Variants in LBX2 observed in about 807,000 individuals in gnomAD.
LBX2 encodes transcription factor LBX2.
Under a neutral mutation model 7.5 loss-of-function variants are expected in LBX2, and 6 were observed. That is an observed-to-expected ratio of 0.80 (90% CI 0.44 to 1.59). LBX2 has a LOEUF of 1.59. LBX2 is among the 40% of genes most tolerant of loss of function. The probability of loss-of-function intolerance (pLI) is 0.01; values close to 1 mark genes in which losing one functional copy is unlikely to be tolerated. For synonymous variants in LBX2, 143 were observed against 133.2 expected, an observed-to-expected ratio of 1.07 and a Z score of -0.51; for missense variants, 281 against 282.0, an observed-to-expected ratio of 1.00 and a Z score of 0.03.
At chr2:74,502,730 G>A, upstream of LBX2, 1 of 1,614,092 alleles carries the variant, frequency 6.2e-7, no homozygotes, top group Non-Finnish European at 8.5e-7. The surrounding 1 kb of genome is among the most constrained non-coding windows in gnomAD (Gnocchi z 5.4). Context: ...AGATCTCTGC[G>A]CGCCCACCGC....
chr2:74,498,378 G>A lies in LBX2; in HGVS notation c.206-60C>T, dbSNP rs375253424. 5.3e-5 allele frequency: 75 copies of A among 1,414,228 alleles called. No homozygotes were observed. The East Asian group carries it at 1.6e-3, about 30-fold the overall frequency. The allele number at this position is 1,414,228 out of a possible 1,614,324, so 87.6% of individuals were successfully genotyped here. On this transcript the variant is annotated intron_variant, in intron 1 of 1. Transcript: ENST00000377566. Reference sequence around the variant, plus strand: ...CCGGGAATCAGGCTGGGCCTGGAAAGAAAAGTTGGGGGTGGGGTCGGGCCG... The same window carrying A: ...CCGGGAATCAGGCTGGGCCTGGAAAAAAAAGTTGGGGGTGGGGTCGGGCCG...
chr2:74,499,759 G>C (rs1361028461), upstream of LBX2: 1 of 597,690 alleles, frequency 1.7e-6, no homozygotes, highest in African/African-American at 1.9e-5. The surrounding 1 kb of genome is among the most constrained non-coding windows in gnomAD (Gnocchi z 4.6). Flanking sequence ...TACAGGCTGG[G>C]GCAGGCGCGG....
Position 74,499,426 on chromosome 2 carries a change from C to A in LBX2, c.112G>T (p.Gly38Cys), listed in dbSNP as rs951285673. 6.4e-7 allele frequency: 1 copy of A among 1,550,520 alleles called. No homozygotes were observed. Among genetic ancestry groups the A allele is most frequent in the African/African-American group, 1.4e-5 (1 of 73,068 alleles). Residue 38 changes from glycine to cysteine, a missense_variant, in exon 1 of 2, where the codon GGT becomes TGT. This residue lies in a region of LBX2 where 216 missense variants were observed against 208.7 expected (regional missense o/e 1.03). Coordinates refer to ENST00000377566, the MANE Select transcript of LBX2 (RefSeq NM_001282430.2). This position sits in a 1 kb window ranked among gnomAD's most constrained non-coding sequence, Gnocchi z 4.6. ...APSAPQLPESGPGPTSPLCAL... is the reference protein window; with the variant it reads ...APSAPQLPESCPGPTSPLCAL... The stretch of plus-strand genomic sequence containing the variant: ...CACAGCGGCGACGTTGGACCCGGAC[C>A]CGACTCTGGAAGCTGCGGCGCAGAG...
chr2:74,500,881 A>G (rs1467612844), upstream of LBX2, among the ~76,000 whole-genome samples: 1 of 152,228 alleles, frequency 6.6e-6, no homozygotes, highest in Non-Finnish European at 1.5e-5. Flanking sequence ...AAACAGTGTC[A>G]GGAAAAACCA....
At chr2:74,498,690 G>A (rs1009022583) in intron 1 of LBX2, 1 of 263,926 alleles carries the variant, frequency 3.8e-6, no homozygotes, top group African/African-American at 2.2e-5. Context: ...AGGCGAGTAA[G>A]AGTCAGGGCA....
chr2:74,501,089 G>A (rs1003212764), upstream of LBX2, among the ~76,000 whole-genome samples: 4 of 152,104 alleles, frequency 2.6e-5, no homozygotes, highest in Non-Finnish European at 5.9e-5. Context: ...CCTTGATAGG[G>A]TCTTCTTGGT....
chr2:74,502,261 C>G (rs1431506831), upstream of LBX2: 1 of 222,268 alleles, frequency 4.5e-6, no homozygotes, highest in Non-Finnish European at 8.9e-6. This position sits in a 1 kb window ranked among gnomAD's most constrained non-coding sequence, Gnocchi z 5.4. Context: ...ATCTTGCACC[C>G]ACACACCCCA....
At chr2:74,498,383 G>T in intron 1 of LBX2, 65 bp from the exon 2 acceptor site, 1 of 1,393,000 alleles carries the variant, frequency 7.2e-7, no homozygotes, top group Non-Finnish European at 9.4e-7. Context: ...GGAAAGAAAA[G>T]TTGGGGGTGG....
At chr2:74,502,416 A>G, upstream of LBX2, 1 of 535,348 alleles carries the variant, frequency 1.9e-6, no homozygotes, top group Non-Finnish European at 3.3e-6. The surrounding 1 kb of genome is among the most constrained non-coding windows in gnomAD (Gnocchi z 5.4). Flanking sequence ...GCAGGGTTGG[A>G]GGACCCTCGG....
chr2:74,503,172 G>A (rs1674535636), upstream of LBX2: 1 of 335,112 alleles, frequency 3.0e-6, no homozygotes, highest in Admixed American at 4.7e-5. This position sits in a 1 kb window ranked among gnomAD's most constrained non-coding sequence, Gnocchi z 5.1. Context: ...AGAGGACCCT[G>A]GGCGTGATTC....
chr2:74,498,008 T>C lies in LBX2; in HGVS notation c.516A>G (p.Pro172=). 6.2e-7 allele frequency: 1 copy of C among 1,610,876 alleles called. No homozygotes were observed. The highest frequency in any genetic ancestry group is 8.5e-7 in the Non-Finnish European group (1 of 1,177,740). ...CAGGGCCGAGGCAGAGGCCGGGATCTGGAGCGCCTTCGGGCAGTGCTAAGC... is the reference window on the plus strand; with the variant it reads ...CAGGGCCGAGGCAGAGGCCGGGATCCGGAGCGCCTTCGGGCAGTGCTAAGC... ...LCSLALPEGA[P]DPGLCLGPAG... Residue 172 remains proline, a synonymous_variant, in exon 2 of 2, where the codon CCA becomes CCG. Coordinates refer to ENST00000377566, the MANE Select transcript of LBX2 (RefSeq NM_001282430.2).
rs765569865 is a variant in LBX2, at chr2:74,499,386, A to T, written c.152T>A (p.Leu51Gln). 6.4e-7 allele frequency: 1 copy of T among 1,550,616 alleles called. No homozygotes were observed. Among genetic ancestry groups the T allele is most frequent in the South Asian group, 1.2e-5 (1 of 84,064 alleles). ...AAGTCCGCGGAAAGTTTTACTAGTC[A>T]GCTCCTCCAGCGCGCACAGCGGCGA... Reference protein sequence around the residue: ...PTSPLCALEELTSKTFRGLDA... With the variant: ...PTSPLCALEEQTSKTFRGLDA... The change falls in exon 1 of 2, where the codon CTG (leucine) becomes CAG (glutamine). Residue 51 changes from leucine to glutamine, a missense_variant. Leu to Gln is a moderately radical substitution (Grantham distance 113). Around this residue, in one of 3 missense-constraint regions of LBX2, gnomAD observed 216 missense variants for 208.7 expected, o/e 1.03. Coordinates refer to ENST00000377566, the MANE Select transcript of LBX2 (RefSeq NM_001282430.2). This position sits in a 1 kb window ranked among gnomAD's most constrained non-coding sequence, Gnocchi z 4.6.
chr2:74,503,002 T>G (rs1414579857), upstream of LBX2: 26 of 710,298 alleles, frequency 3.7e-5, no homozygotes, highest in Non-Finnish European at 5.6e-5. This position sits in a 1 kb window ranked among gnomAD's most constrained non-coding sequence, Gnocchi z 5.1. Context: ...GGGCAAGGTT[T>G]GGCCCTCAGG....
At chr2:74,499,605 C>T, upstream of LBX2, 2 of 1,472,430 alleles carry the variant, frequency 1.4e-6, no homozygotes, top group South Asian at 2.6e-5. This position sits in a 1 kb window ranked among gnomAD's most constrained non-coding sequence, Gnocchi z 4.6. Flanking sequence ...GGCCCCAGTG[C>T]TCGGCTCCCA....
chr2:74,499,933 A>C (rs1450872231), upstream of LBX2, among the ~76,000 whole-genome samples: 1 of 152,154 alleles, frequency 6.6e-6, no homozygotes, highest in Non-Finnish European at 1.5e-5. This position sits in a 1 kb window ranked among gnomAD's most constrained non-coding sequence, Gnocchi z 4.6. Context: ...AGTAGACGAT[A>C]AAATTGCCTT....
upstream of LBX2, chr2:74,502,811 C>T: frequency 6.2e-7 from 1 of 1,613,764 alleles, no homozygotes; most frequent in Non-Finnish European, 8.5e-7. This position sits in a 1 kb window ranked among gnomAD's most constrained non-coding sequence, Gnocchi z 5.4. Context: ...CGACACTTTT[C>T]TCCCCCCAAC....
upstream of LBX2, chr2:74,503,080 T>G: frequency 2.0e-6 from 1 of 504,160 alleles, no homozygotes; most frequent in Non-Finnish European, 3.5e-6. The surrounding 1 kb of genome is among the most constrained non-coding windows in gnomAD (Gnocchi z 5.1). Context: ...GACGGCGCCC[T>G]GGGGTGGTCC....
chr2:74,502,219 C>T (rs1222659246), upstream of LBX2: 1 of 168,226 alleles, frequency 5.9e-6, no homozygotes, highest in East Asian at 1.8e-4. This position sits in a 1 kb window ranked among gnomAD's most constrained non-coding sequence, Gnocchi z 5.4. Context: ...TTCAGATTTC[C>T]CATTCTCACC....
rs1485803555 is a variant in LBX2 at position 74,498,703 on chromosome 2, C to T, written c.206-385G>A. The T allele has an allele frequency of 1.2e-5, 3 of 242,096 alleles. No homozygotes were observed. The East Asian group carries it at 2.6e-4, about 21-fold the overall frequency. 15.0% of individuals were successfully genotyped at this position (242,096 alleles called of 1,614,324 possible). A position where few individuals can be genotyped will look rare whatever the true frequency, so the allele number is the denominator to read the frequency against. On this transcript the variant is annotated intron_variant, in intron 1 of 1. Transcript: ENST00000377566. ...AGAGGCGAGTAAGAGTCAGGGCAGC[C>T]GACCCAGCGTGGTGGTGGTAACAGG...
Sources: allele counts gnomAD v4.1 joint callset (sites outside exome capture counted in the v4.1 genomes callset), GRCh38; gene constraint gnomAD v4.1.1; regional missense constraint gnomAD v4.1.1; non-coding constraint Gnocchi (gnomAD v3.1); transcripts MANE v1.5; gene names NCBI Gene and HGNC (gene_info 2026-07-23, HGNC 2026-07-21).